Variants in TRMT11 observed in about 807,000 individuals in gnomAD.
TRMT11 encodes the protein tRNA (guanine(10)-N(2))-methyltransferase TRMT11.
TRMT11 carries 53 observed loss-of-function variants against 62.8 expected under a neutral mutation model. The ratio of observed to expected loss-of-function variants is 0.84; its 90% CI spans 0.68 to 1.06. The LOEUF (loss-of-function observed/expected upper bound fraction) is 1.06. Ranked by LOEUF, TRMT11 falls within the 50% of genes least tolerant of loss-of-function variation. The pLI is 0.00. For synonymous variants in TRMT11, 188 were observed against 190.3 expected (o/e 0.99, Z 0.10); for missense variants, 556 against 553.4 (o/e 1.00, Z -0.05).
chr6:126,237,587 G>A, the TRMT11 span, among the ~76,000 whole-genome samples: 1 of 152,172 alleles, frequency 6.6e-6, no homozygotes, highest in East Asian at 1.9e-4. Flanking sequence ...AGGCTGAGGG[G>A]GGAGGATCAC....
the TRMT11 span, among the ~76,000 whole-genome samples, chr6:126,271,055 A>C: frequency 2.1e-4 from 32 of 152,234 alleles, no homozygotes; most frequent in Non-Finnish European, 4.4e-4. Context: ...GAGAGAGTGA[A>C]ATCTTGCTTC....
the TRMT11 span, among the ~76,000 whole-genome samples, chr6:126,254,047 G>A: frequency 3.3e-5 from 5 of 152,206 alleles, no homozygotes; most frequent in East Asian, 9.7e-4. Context: ...TTCACACTTC[G>A]TCTCTGACAA....
At chr6:126,241,237 A>C in the TRMT11 span, among the ~76,000 whole-genome samples, 1 of 151,906 alleles carries the variant, frequency 6.6e-6, no homozygotes, top group Non-Finnish European at 1.5e-5. Flanking sequence ...AGTGAGATGA[A>C]CCCGGTACCT....
At chr6:126,231,594 C>A in the TRMT11 span, among the ~76,000 whole-genome samples, 11 of 152,130 alleles carry the variant, frequency 7.2e-5, no homozygotes, top group South Asian at 2.1e-4. Flanking sequence ...GTGCCTCTAA[C>A]CTTACATCCT....
chr6:126,045,754 G>C (rs1241860349), intron 16 of TRMT11, among the ~76,000 whole-genome samples: 1 of 152,144 alleles, frequency 6.6e-6, no homozygotes. Flanking sequence ...TGAATCATTA[G>C]AACTTTGGCT....
intron 16 of TRMT11, among the ~76,000 whole-genome samples, chr6:126,049,134 G>C (rs988975914): frequency 6.6e-6 from 1 of 152,262 alleles, no homozygotes; most frequent in East Asian, 1.9e-4. Context: ...TATTTTCTCT[G>C]GCAGCCCTTT....
At chr6:126,187,360 C>T (rs935348681) in intron 1 of TRMT11, among the ~76,000 whole-genome samples, 16 of 151,630 alleles carry the variant, frequency 1.1e-4, no homozygotes, top group African/African-American at 3.1e-4. Flanking sequence ...ATACCATTTG[C>T]GATACAGTAA....
At chr6:126,054,856 G>A (rs1233197639) in intron 17 of TRMT11, among the ~76,000 whole-genome samples, 1 of 152,198 alleles carries the variant, frequency 6.6e-6, no homozygotes, top group African/African-American at 2.4e-5. Context: ...GACACAGGGT[G>A]CTCCCTGAAA....
chr6:126,209,332 A>T, the TRMT11 span, among the ~76,000 whole-genome samples: 2 of 152,300 alleles, frequency 1.3e-5, no homozygotes, highest in South Asian at 4.1e-4. Context: ...TTTAGAAACT[A>T]CAGAGTTATG....
At chr6:126,240,978 G>A in the TRMT11 span, among the ~76,000 whole-genome samples, 30 of 152,216 alleles carry the variant, frequency 2.0e-4, no homozygotes, top group Non-Finnish European at 2.6e-4. Flanking sequence ...AGCAATGAGC[G>A]AGGCTCCGTG....
intron 17 of TRMT11, among the ~76,000 whole-genome samples, chr6:126,084,334 G>A (rs1050028109): frequency 6.6e-6 from 1 of 152,012 alleles, no homozygotes; most frequent in African/African-American, 2.4e-5. Context: ...GCATATCCTT[G>A]GTGAGTAATG....
At chr6:126,163,268 AG>A (rs558922495) in intron 21 of TRMT11, among the ~76,000 whole-genome samples, 292 of 152,276 alleles carry the variant, frequency 1.9e-3, no homozygotes, top group African/African-American at 6.7e-3. Context: ...TTTAGCGTGA[AG>A]GGGTGTTGAA....
intron 21 of TRMT11, among the ~76,000 whole-genome samples, chr6:126,145,415 G>A (rs577338274): frequency 4.6e-5 from 7 of 152,218 alleles, no homozygotes; most frequent in African/African-American, 1.7e-4. Context: ...CGCTGGACTA[G>A]CAGGTTGGGA....
intron 21 of TRMT11, among the ~76,000 whole-genome samples, chr6:126,161,244 C>G (rs544214983): frequency 6.6e-6 from 1 of 151,992 alleles, no homozygotes; most frequent in Non-Finnish European, 1.5e-5. Flanking sequence ...CCCCAACCCC[C>G]CTACAGGCCC....
intron 2 of TRMT11, among the ~76,000 whole-genome samples, chr6:125,994,958 A>G (rs1231279219): frequency 2.6e-5 from 4 of 152,144 alleles, no homozygotes; most frequent in African/African-American, 9.7e-5. Flanking sequence ...CAGGGAAACA[A>G]CACACACTGG....
intron 12 of TRMT11, among the ~76,000 whole-genome samples, chr6:126,031,144 G>C (rs1348696435): frequency 6.6e-6 from 1 of 152,018 alleles, no homozygotes; most frequent in Non-Finnish European, 1.5e-5. Context: ...TTTTGTTTTT[G>C]TTTTTGCTGA....
intron 17 of TRMT11, among the ~76,000 whole-genome samples, chr6:126,109,439 G>A (rs1487635621): frequency 6.6e-6 from 1 of 152,118 alleles, no homozygotes; most frequent in Non-Finnish European, 1.5e-5. Context: ...TGATTGCACC[G>A]AAGTTACACC....
the TRMT11 span, among the ~76,000 whole-genome samples, chr6:126,224,272 A>T: frequency 6.6e-6 from 1 of 152,290 alleles, no homozygotes; most frequent in South Asian, 2.1e-4. Flanking sequence ...TTGTGGGTTG[A>T]TGAGAATTCT....
At chr6:126,187,757 G>A (rs1778542729) in intron 1 of TRMT11, among the ~76,000 whole-genome samples, 1 of 151,846 alleles carries the variant, frequency 6.6e-6, no homozygotes, top group Non-Finnish European at 1.5e-5. Context: ...CTGAGGTGAT[G>A]GGGTAAAGAT....
Sources: allele counts gnomAD v4.1 joint callset (sites outside exome capture counted in the v4.1 genomes callset), GRCh38; gene constraint gnomAD v4.1.1; transcripts MANE v1.5; gene names NCBI Gene and HGNC (gene_info 2026-07-23, HGNC 2026-07-21).